AGMO: variants seen among roughly 807,000 people sequenced by gnomAD.
The protein encoded by AGMO is glyceryl-ether monooxygenase.
A neutral mutation model predicts 60.2 loss-of-function variants in AGMO; 75 were observed. The observed-to-expected ratio is 1.25, with a 90% confidence interval of 1.03 to 1.51. The LOEUF (loss-of-function observed/expected upper bound fraction) is 1.51. Among genes scored for constraint, AGMO ranks in the 40% most tolerant of loss-of-function variants. The pLI is 0.00. For missense variants in AGMO, 763 were observed against 525.5 expected, an observed-to-expected ratio of 1.45 and a Z score of -4.42; for synonymous variants, 261 against 177.1, an observed-to-expected ratio of 1.47 and a Z score of -3.76.
chr7:15,502,841 A>T (rs1783421392), intron 3 of AGMO, among the ~76,000 whole-genome samples: 1 of 152,072 alleles, frequency 6.6e-6, no homozygotes, highest in Non-Finnish European at 1.5e-5. Context: ...TAAAAAGAAC[A>T]TTGATTTTAA....
At chr7:15,354,617 T>C (rs1176040955) in intron 12 of AGMO, among the ~76,000 whole-genome samples, 1 of 143,852 alleles carries the variant, frequency 7.0e-6, no homozygotes, top group Non-Finnish European at 1.5e-5. Flanking sequence ...AGAAAGACTA[T>C]ACCCTTATAT....
chr7:15,249,327 G>T (rs765937641), intron 12 of AGMO, among the ~76,000 whole-genome samples: 2 of 152,080 alleles, frequency 1.3e-5, no homozygotes, highest in African/African-American at 2.4e-5. Context: ...GTTCTTGTGT[G>T]TAAGTGTGGA....
the AGMO span, among the ~76,000 whole-genome samples, chr7:15,124,291 T>C: frequency 2.0e-5 from 3 of 152,042 alleles, no homozygotes; most frequent in Admixed American, 6.6e-5. Flanking sequence ...GCCACTTATC[T>C]CTGTGGTAGC....
the AGMO span, among the ~76,000 whole-genome samples, chr7:15,178,097 C>CGTTATCCT: frequency 6.6e-6 from 1 of 152,132 alleles, no homozygotes; most frequent in African/African-American, 2.4e-5. Context: ...TAGTAGTTAG[C>CGTTATCCT]GTTATCCTGG....
At chr7:15,459,599 T>TTGTGTGTGTTTGTGTGTGTGTGTGTG (rs1782087745) in intron 3 of AGMO, among the ~76,000 whole-genome samples, 1 of 142,140 alleles carries the variant, frequency 7.0e-6, no homozygotes, top group Non-Finnish European at 1.5e-5. Flanking sequence ...GTATGTGCGT[T>TTGTGTGTGTTTGTGTGTGTGTGTGTG]TGTGTGTGTG....
intron 3 of AGMO, among the ~76,000 whole-genome samples, chr7:15,464,857 A>T (rs1386938691): frequency 1.3e-5 from 2 of 152,138 alleles, no homozygotes; most frequent in Non-Finnish European, 2.9e-5. Flanking sequence ...CAGGAAAATA[A>T]CTCTTGAATA....
intron 12 of AGMO, among the ~76,000 whole-genome samples, chr7:15,296,390 T>C (rs533070922): frequency 5.3e-5 from 8 of 152,284 alleles, no homozygotes; most frequent in South Asian, 4.1e-4. Context: ...TCTAACCACA[T>C]AGAATTTTTC....
In AGMO at chr7:15,406,931, GCACACA is replaced by G. The variant is rs375471235; in HGVS notation, c.609+11621_609+11626del. 4.2e-5 allele frequency among the ~76,000 whole-genome samples: 4 copies of G among 94,498 alleles called. 1 individual carries two copies. Among genetic ancestry groups the G allele is most frequent in the Non-Finnish European group, 6.6e-5 (3 of 45,560 alleles). 62.0% of individuals were successfully genotyped at this position (94,498 alleles called of 152,430 possible). ...GCCCCTTTGTTTGGAATACACACGCGCACACACACACACACACACACGTATATTCCA... is the reference window on the plus strand; with the variant it reads ...GCCCCTTTGTTTGGAATACACACGCGCACACACACACACACGTATATTCCA... On this transcript the variant is annotated intron_variant, in intron 5 of 12. Transcript: ENST00000342526.
At chr7:15,321,543 T>G (rs548990425) in intron 12 of AGMO, among the ~76,000 whole-genome samples, 2 of 152,118 alleles carry the variant, frequency 1.3e-5, no homozygotes, top group African/African-American at 4.8e-5. Context: ...CAGAAGGAAA[T>G]GGTAAGATAA....
At chr7:15,371,491 A>G (rs1783212365) in intron 10 of AGMO, among the ~76,000 whole-genome samples, 1 of 152,070 alleles carries the variant, frequency 6.6e-6, no homozygotes, top group African/African-American at 2.4e-5. Context: ...CCTGGGTTCA[A>G]GCAATTCACC....
chr7:15,321,044 G>A (rs1271073691), intron 12 of AGMO, among the ~76,000 whole-genome samples: 6 of 152,152 alleles, frequency 3.9e-5, no homozygotes, highest in Non-Finnish European at 7.4e-5. Context: ...CAACTTTTGA[G>A]AGGACTATTT....
intron 12 of AGMO, among the ~76,000 whole-genome samples, chr7:15,244,720 C>A (rs1017266020): frequency 6.6e-6 from 1 of 152,064 alleles, no homozygotes; most frequent in African/African-American, 2.4e-5. Context: ...GGCGCGATCT[C>A]GGCTCACTGC....
intron 3 of AGMO, among the ~76,000 whole-genome samples, chr7:15,495,450 G>A (rs1783195392): frequency 6.6e-6 from 1 of 152,124 alleles, no homozygotes; most frequent in Non-Finnish European, 1.5e-5. Flanking sequence ...TTGATGCCCA[G>A]GTAGTCTTAC....
chr7:15,384,099 T>C (rs1162845640), intron 10 of AGMO, among the ~76,000 whole-genome samples: 1 of 152,076 alleles, frequency 6.6e-6, no homozygotes, highest in South Asian at 2.1e-4. Context: ...CATGCCTGGC[T>C]ACTTATTTTT....
chr7:15,357,396 C>T (rs556808078), intron 12 of AGMO, among the ~76,000 whole-genome samples: 1 of 151,902 alleles, frequency 6.6e-6, no homozygotes, highest in African/African-American at 2.4e-5. Context: ...ACACTAACCA[C>T]CACCGTGAGA....
chr7:15,328,641 G>A (rs1313628406), intron 12 of AGMO, among the ~76,000 whole-genome samples: 3 of 152,106 alleles, frequency 2.0e-5, no homozygotes, highest in South Asian at 4.1e-4. Context: ...AGAGGACAGA[G>A]GGAAACTCAC....
chr7:15,448,553 T>C (rs1781767310), intron 3 of AGMO, among the ~76,000 whole-genome samples: 2 of 152,132 alleles, frequency 1.3e-5, no homozygotes, highest in Admixed American at 6.5e-5. Flanking sequence ...GTAAAAGCTT[T>C]AAGCATAAAA....
At chr7:15,322,973 A>G (rs867087519) in intron 12 of AGMO, among the ~76,000 whole-genome samples, 13 of 53,814 alleles carry the variant, frequency 2.4e-4, no homozygotes, top group African/African-American at 1.3e-3. Context: ...GTGTGTATAT[A>G]TATATGTATT....
intron 8 of AGMO, among the ~76,000 whole-genome samples, chr7:15,389,460 T>G (rs1048628478): frequency 2.0e-5 from 3 of 152,172 alleles, no homozygotes; most frequent in Non-Finnish European, 4.4e-5. Flanking sequence ...GTGTATCATA[T>G]TCTTAGTAAG....
Sources: allele counts gnomAD v4.1 joint callset (sites outside exome capture counted in the v4.1 genomes callset), GRCh38; gene constraint gnomAD v4.1.1; transcripts MANE v1.5; gene names NCBI Gene and HGNC (gene_info 2026-07-23, HGNC 2026-07-21).